The following SP9 variants were observed in gnomAD, a reference collection of about 807,000 sequenced individuals.
SP9 encodes Sp9 transcription factor, also known as transcription factor Sp9.
SP9 carries 5 observed loss-of-function variants against 23.0 expected under a neutral mutation model. That is an observed-to-expected ratio of 0.22 (90% CI 0.11 to 0.46). The LOEUF (loss-of-function observed/expected upper bound fraction) is 0.46, where lower values mean the gene tolerates loss of function less well. Among genes scored for constraint, SP9 ranks in the 20% least tolerant of loss-of-function variants. The pLI, the probability that SP9 is intolerant of heterozygous loss-of-function variation, is 0.99. For missense variants in SP9, 542 were observed against 724.0 expected (o/e 0.75, Z 2.88); for synonymous variants, 360 against 356.5 (o/e 1.01, Z -0.11).
chr2:174,335,265 T>TC, intron 1 of SP9, 152 bp downstream of exon 1: 2 of 840,952 alleles, frequency 2.4e-6, no homozygotes, highest in South Asian at 2.2e-5. Flanking sequence ...GACTGATTTT[T>TC]CCCCAAGTTT....
intron 1 of SP9, 118 bp from the exon 2 acceptor site, chr2:174,335,989 C>T: frequency 1.0e-6 from 1 of 965,536 alleles, no homozygotes. Flanking sequence ...GGCGGGGAGC[C>T]AGGACCCCCC....
Position 174,336,547 on chromosome 2 carries a change from G to T in SP9, c.462G>T (p.Pro154=). The change falls in exon 2 of 2, where the codon CCG becomes CCT. Residue 154 remains proline (P), a synonymous_variant. Coordinates refer to ENST00000394967, the MANE Select transcript of SP9 (RefSeq NM_001145250.2). ...ACCCGCGCGTGGGCATGGCGCACCC[G>T]TACGAGTCCTGGTACAAGTCGGGCT... ...GLYPRVGMAH[P]YESWYKSGFH... is the part of the protein sequence containing the mutation. The T allele has an allele frequency of 7.0e-7, 1 of 1,434,042 alleles. No individual in the cohort carries two copies. Among genetic ancestry groups the T allele is most frequent in the South Asian group, 1.5e-5 (1 of 68,828 alleles). 88.8% of individuals were successfully genotyped at this position (1,434,042 alleles called of 1,614,324 possible).
At position 174,336,431 on chromosome 2, in the gene SP9, G is replaced by A. The variant is rs1684413957; in HGVS notation, c.346G>A (p.Ala116Thr). 1.4e-6 allele frequency: 2 copies of A among 1,466,294 alleles called. No homozygotes were observed. The highest frequency in any genetic ancestry group is 1.5e-5 in the African/African-American group (1 of 66,924). The allele number at this position is 1,466,294 out of a possible 1,614,324, so 90.8% of individuals were successfully genotyped here. Residue 116 changes from alanine (A) to threonine (T), a missense_variant, in exon 2 of 2, where the codon GCG (alanine) becomes ACG (threonine). This residue lies in a region of SP9 where 201 missense variants were observed against 226.3 expected (regional missense o/e 0.89). Transcript: ENST00000394967. ...GGLFSNSAAA[A>T]AAAAGVSPQE... is the part of the protein sequence containing the mutation. ...CCTCTTCTCCAACTCGGCGGCTGCC[G>A]CGGCGGCAGCGGCCGGGGTGTCCCC... is the stretch of plus-strand genomic sequence containing the variant.
chr2:174,335,794 C>A (rs1385347030), intron 1 of SP9: 7 of 352,000 alleles, frequency 2.0e-5, no homozygotes, highest in Non-Finnish European at 2.1e-5. Context: ...GGGAGATGAG[C>A]CGGTTTACGG....
Position 174,337,822 on chromosome 2 carries a change from C to G in SP9, c.*282C>G, listed in dbSNP as rs1462476628. ...CACAAACACTTTAAAAACTGTACTCCCAGACGTACACATACACCGGAGACC... is the reference window on the plus strand; with the variant it reads ...CACAAACACTTTAAAAACTGTACTCGCAGACGTACACATACACCGGAGACC... On this transcript the variant is annotated 3_prime_UTR_variant, in exon 2 of 2. Coordinates refer to ENST00000394967, the MANE Select transcript of SP9 (RefSeq NM_001145250.2). 5.4e-6 allele frequency: 1 copy of G among 186,074 alleles called. No homozygotes were observed. The highest frequency in any genetic ancestry group is 6.4e-5 in the Admixed American group (1 of 15,702). The allele number at this position is 186,074 out of a possible 1,614,324, so 11.5% of individuals were successfully genotyped here. A position where few individuals can be genotyped will look rare whatever the true frequency, so the allele number is the denominator to read the frequency against.
rs772177247 is a variant in SP9, at chr2:174,336,227, C to A, written c.142C>A (p.His48Asn). Reference sequence around the variant, plus strand: ...GAGCGCCTTCGCCAAAGGCGGCTTTCACCCCTGGAAGCGCTCCTCGTCCAG... The same window carrying A: ...GAGCGCCTTCGCCAAAGGCGGCTTTAACCCCTGGAAGCGCTCCTCGTCCAG... Reference protein sequence around the residue: ...ESSAFAKGGFHPWKRSSSSCN... With the variant: ...ESSAFAKGGFNPWKRSSSSCN... The change falls in exon 2 of 2, where the codon CAC becomes AAC. Residue 48 changes from histidine to asparagine, a missense_variant. This residue lies in a region of SP9 where 201 missense variants were observed against 226.3 expected (regional missense o/e 0.89). Coordinates refer to ENST00000394967, the MANE Select transcript of SP9 (RefSeq NM_001145250.2). 6.5e-7 allele frequency: 1 copy of A among 1,549,754 alleles called. No individual in the cohort carries two copies. The highest frequency in any genetic ancestry group is 1.2e-5 in the South Asian group (1 of 84,042).
intron 1 of SP9, chr2:174,335,541 C>G (rs1684392451): frequency 5.3e-6 from 1 of 190,102 alleles, no homozygotes. Flanking sequence ...TGAAATCTGT[C>G]TCTGGCCGCT....
rs568085573 is a variant in SP9 at position 174,336,916 on chromosome 2, C to T, written c.831C>T (p.Ala277=). ...ACTCCAGCGCCGCCGTGGCAGCCGC[C>T]GCCGCCAGCGCCATGATATCGGGCG... ...YSDSSAAVAA[A]AASAMISGAA... Residue 277 remains alanine, a synonymous_variant, in exon 2 of 2, where the codon GCC becomes GCT. Coordinates refer to ENST00000394967, the MANE Select transcript of SP9 (RefSeq NM_001145250.2). 3.4e-6 allele frequency: 5 copies of T among 1,484,554 alleles called. No individual in the cohort carries two copies. Among genetic ancestry groups the T allele is most frequent in the South Asian group, 2.5e-5 (2 of 78,722 alleles). The allele number at this position is 1,484,554 out of a possible 1,614,324, so 92.0% of individuals were successfully genotyped here.
Position 174,337,599 on chromosome 2 carries a change from G to T in SP9, c.*59G>T. 1 of 1,113,378 alleles carries T rather than the reference G, an allele frequency of 9.0e-7. No homozygotes were observed. The highest frequency in any genetic ancestry group is 1.1e-6 in the Non-Finnish European group (1 of 911,702). The allele number at this position is 1,113,378 out of a possible 1,614,324, so 69.0% of individuals were successfully genotyped here. A position where few individuals can be genotyped will look rare whatever the true frequency, so the allele number is the denominator to read the frequency against. ...TAGAGACACCGAGAACGAACGAGAGGTTCGGAGGGCGAGCGAGCGGGAGGC... is the reference window on the plus strand; with the variant it reads ...TAGAGACACCGAGAACGAACGAGAGTTTCGGAGGGCGAGCGAGCGGGAGGC... On this transcript the variant is annotated 3_prime_UTR_variant, in exon 2 of 2. Transcript: ENST00000394967.
At chr2:174,335,363 T>C in intron 1 of SP9, 1 of 524,778 alleles carries the variant, frequency 1.9e-6, no homozygotes. Flanking sequence ...TAGAGGTTTC[T>C]TTTCTTCCCC....
chr2:174,337,550 G>T lies in SP9; in HGVS notation c.*10G>T, dbSNP rs952151612. On this transcript the variant is annotated 3_prime_UTR_variant, in exon 2 of 2. Coordinates refer to ENST00000394967, the MANE Select transcript of SP9 (RefSeq NM_001145250.2). ...CCCCAACGACTCTTAGAGGCCGGGC[G>T]AGAGGCGCGAGCACACAAGCGAGTA... 1.7e-6 allele frequency: 2 copies of T among 1,153,434 alleles called. No homozygotes were observed. Among genetic ancestry groups the T allele is most frequent in the East Asian group, 8.4e-5 (2 of 23,678 alleles). 71.4% of individuals were successfully genotyped at this position (1,153,434 alleles called of 1,614,324 possible). A position where few individuals can be genotyped will look rare whatever the true frequency, so the allele number is the denominator to read the frequency against.
In SP9 at chr2:174,335,054, G is replaced by T. The variant is rs749990907; in HGVS notation, c.-39G>T. The T allele has an allele frequency of 4.5e-6, 7 of 1,550,622 alleles. No homozygotes were observed. Among genetic ancestry groups the T allele is most frequent in the Admixed American group, 3.9e-5 (2 of 51,000 alleles). ...TTTTTCCGAGCAGCCGCCAGGCTCA[G>T]CCCCGCTCCCAGCCTCGCTGCGCAG... On this transcript the variant is annotated 5_prime_UTR_variant, in exon 1 of 2. Transcript: ENST00000394967.
Position 174,336,155 on chromosome 2 carries a change from T to A in SP9, c.70T>A (p.Cys24Ser). ...CCCGTTGGCCATGCTGGCGGCGACC[T>A]GCAACAAGATCGGCAACACGAGCCC... The part of the protein sequence containing the change: ...TTPLAMLAAT[C>S]NKIGNTSPLT... Residue 24 changes from cysteine to serine, a missense_variant, in exon 2 of 2, where the codon TGC (cysteine) becomes AGC (serine). Physicochemically the swap from Cys to Ser is moderately radical, Grantham distance 112. This residue lies in a region of SP9 where 201 missense variants were observed against 226.3 expected (regional missense o/e 0.89). Transcript: ENST00000394967. 6.5e-7 allele frequency: 1 copy of A among 1,543,596 alleles called. No individual in the cohort carries two copies. Among genetic ancestry groups the A allele is most frequent in the Non-Finnish European group, 8.8e-7 (1 of 1,142,224 alleles).
rs1238015427 is a variant in SP9, at chr2:174,337,390, G to A, written c.1305G>A (p.Thr435=). 6.5e-7 allele frequency: 1 copy of A among 1,548,814 alleles called. No homozygotes were observed. The highest frequency in any genetic ancestry group is 8.7e-7 in the Non-Finnish European group (1 of 1,146,326). The change falls in exon 2 of 2, where the codon ACG becomes ACA. Residue 435 remains threonine (T), a synonymous_variant. Coordinates refer to ENST00000394967, the MANE Select transcript of SP9 (RefSeq NM_001145250.2). Reference sequence around the variant, plus strand: ...ACACGGACGCCAGCAACCTGGAGACGCCCCGTTCCGAATCCCCCGACCTCA... The same window carrying A: ...ACACGGACGCCAGCAACCTGGAGACACCCCGTTCCGAATCCCCCGACCTCA... ...DSDTDASNLE[T]PRSESPDLIL... is the part of the protein sequence containing the mutation.
rs897926700 is a variant in SP9, at chr2:174,336,749, C to A, written c.664C>A (p.Pro222Thr). ...GCACTCGCAGCTGGGCACCTACAAC[C>A]CCGACTTCAGCTCGCTCACGCACTC... ...SLHSQLGTYN[P>T]DFSSLTHSAF... The change falls in exon 2 of 2, where the codon CCC becomes ACC. Residue 222 changes from proline to threonine, a missense_variant. Around this residue, in one of 8 missense-constraint regions of SP9, gnomAD observed 144 missense variants for 158.7 expected, o/e 0.91. Transcript: ENST00000394967. 4 of 1,533,268 alleles carry A rather than the reference C, an allele frequency of 2.6e-6. No individual in the cohort carries two copies. The highest frequency in any genetic ancestry group is 2.0e-5 in the Admixed American group (1 of 50,756). 95.0% of individuals were successfully genotyped at this position (1,533,268 alleles called of 1,614,324 possible).
chr2:174,336,773 T>A lies in SP9; in HGVS notation c.688T>A (p.Ser230Thr). The change falls in exon 2 of 2, where the codon TCC becomes ACC. Residue 230 changes from serine to threonine, a missense_variant. Ser to Thr is a moderately conservative substitution (Grantham distance 58). Around this residue, in one of 8 missense-constraint regions of SP9, gnomAD observed 144 missense variants for 158.7 expected, o/e 0.91. Transcript: ENST00000394967. ...CCCCGACTTCAGCTCGCTCACGCAC[T>A]CCGCCTTCAGCTCCACGGGCCTCGG... ...YNPDFSSLTH[S>T]AFSSTGLGSS... 1 of 1,532,628 alleles carries A rather than the reference T, an allele frequency of 6.5e-7. No homozygotes were observed. Among genetic ancestry groups the A allele is most frequent in the Non-Finnish European group, 8.7e-7 (1 of 1,145,302 alleles). The allele number at this position is 1,532,628 out of a possible 1,614,324, so 94.9% of individuals were successfully genotyped here.
rs1684427802 is a variant in SP9 at position 174,337,048 on chromosome 2, G to A, written c.963G>A (p.Pro321=). The part of the protein sequence containing the change: ...PNCQEAERLG[P]AGASLRRKGL... ...GCCAGGAGGCGGAGCGGCTGGGCCCGGCCGGGGCGAGCCTGCGGCGCAAGG... is the reference window on the plus strand; with the variant it reads ...GCCAGGAGGCGGAGCGGCTGGGCCCAGCCGGGGCGAGCCTGCGGCGCAAGG... The change falls in exon 2 of 2, where the codon CCG becomes CCA. Residue 321 remains proline, a synonymous_variant. Coordinates refer to ENST00000394967, the MANE Select transcript of SP9 (RefSeq NM_001145250.2). The A allele has an allele frequency of 8.5e-6, 13 of 1,533,834 alleles. No homozygotes were observed. Among genetic ancestry groups the A allele is most frequent in the African/African-American group, 1.4e-5 (1 of 71,242 alleles).
At position 174,335,071 on chromosome 2, in the gene SP9, G is replaced by A; in HGVS notation, c.-22G>A. On this transcript the variant is annotated 5_prime_UTR_variant, in exon 1 of 2. Coordinates refer to ENST00000394967, the MANE Select transcript of SP9 (RefSeq NM_001145250.2). Reference sequence around the variant, plus strand: ...CAGGCTCAGCCCCGCTCCCAGCCTCGCTGCGCAGCCAGAGACCTGCTATGG... The same window carrying A: ...CAGGCTCAGCCCCGCTCCCAGCCTCACTGCGCAGCCAGAGACCTGCTATGG... 1 of 1,551,140 alleles carries A rather than the reference G, an allele frequency of 6.4e-7. No individual in the cohort carries two copies. The highest frequency in any genetic ancestry group is 8.7e-7 in the Non-Finnish European group (1 of 1,146,550).
rs1684454359 is a variant in SP9 at position 174,338,463 on chromosome 2, A to G, written c.*923A>G. 1 of 151,972 alleles carries G rather than the reference A, an allele frequency of 6.6e-6. No individual in the cohort carries two copies. Among genetic ancestry groups the G allele is most frequent in the South Asian group, 2.1e-4 (1 of 4,822 alleles). 9.4% of individuals were successfully genotyped at this position (151,972 alleles called of 1,614,324 possible). A position where few individuals can be genotyped will look rare whatever the true frequency, so the allele number is the denominator to read the frequency against. ...TGTATCAAGAAAATCTTGACATCAT[A>G]TTTTCATTTTGGTATTATTAAAGGA... On this transcript the variant is annotated 3_prime_UTR_variant, in exon 2 of 2. Coordinates refer to ENST00000394967, the MANE Select transcript of SP9 (RefSeq NM_001145250.2).
Sources: gnomAD v4.1 joint callset for allele counts on GRCh38, gnomAD v4.1.1 for gene constraint, gnomAD v4.1.1 regional missense constraint, MANE v1.5 for transcripts, NCBI Gene and HGNC (gene_info 2026-07-23, HGNC 2026-07-21) for gene names.